ARMH1: variants seen among roughly 807,000 people sequenced by gnomAD.
ARMH1 encodes armadillo-like helical domain containing protein 1.
Under a neutral mutation model 50.2 loss-of-function variants are expected in ARMH1, and 34 were observed. That is an observed-to-expected ratio of 0.68 (90% CI 0.51 to 0.90). ARMH1 has a LOEUF of 0.90. ARMH1 is among the 40% of genes least tolerant of loss of function. ARMH1 has a pLI of 0.00. For synonymous variants in ARMH1, 221 were observed against 224.2 expected (o/e 0.99, Z 0.13); for missense variants, 538 against 553.9 (o/e 0.97, Z 0.29).
chr1:44,715,867 C>T (rs747283375), intron 6 of ARMH1, among the ~76,000 whole-genome samples: 4 of 152,238 alleles, frequency 2.6e-5, no homozygotes, highest in Non-Finnish European at 4.4e-5. Context: ...CCAGCCACAT[C>T]TGTTTCATTT....
intron 1 of ARMH1, among the ~76,000 whole-genome samples, chr1:44,686,804 G>A (rs535712061): frequency 2.6e-5 from 4 of 152,128 alleles, no homozygotes; most frequent in African/African-American, 9.6e-5. Flanking sequence ...CACTGGGCAA[G>A]GTGGCATGCG....
At position 44,681,103 on chromosome 1, in the gene ARMH1, T is replaced by A. The variant is rs1645297970; in HGVS notation, c.-23+6230T>A. On this transcript the variant is annotated intron_variant, in intron 1 of 11. Coordinates refer to ENST00000535358, the MANE Select transcript of ARMH1 (RefSeq NM_001145636.2). This position sits in a 1 kb window ranked among gnomAD's most constrained non-coding sequence, Gnocchi z 4.3. ...TCCACCTCCCGGGTTCACGCCATTC[T>A]CCTGCCTCAGCCTCCCGAGTAGCTG... Among the ~76,000 whole-genome samples the A allele has an allele frequency of 6.6e-6, 1 of 151,462 alleles. No homozygotes were observed. The highest frequency in any genetic ancestry group is 2.4e-5 in the African/African-American group (1 of 41,156).
At position 44,697,797 on chromosome 1, in the gene ARMH1, G is replaced by A. The variant is rs910010529; in HGVS notation, c.276-266G>A. 3.3e-5 allele frequency among the ~76,000 whole-genome samples: 5 copies of A among 152,294 alleles called. No individual in the cohort carries two copies. The East Asian group carries it at 9.6e-4, about 29-fold the overall frequency. Reference sequence around the variant, plus strand: ...ACTACATGGCCCATGAGTGGCAGAGGGGTGATTCCCCAAGTGACAGTTGAG... The same window carrying A: ...ACTACATGGCCCATGAGTGGCAGAGAGGTGATTCCCCAAGTGACAGTTGAG... On this transcript the variant is annotated intron_variant, in intron 3 of 11. Coordinates refer to ENST00000535358, the MANE Select transcript of ARMH1 (RefSeq NM_001145636.2).
At chr1:44,710,161 G>A (rs1164096338) in intron 6 of ARMH1, among the ~76,000 whole-genome samples, 1 of 152,136 alleles carries the variant, frequency 6.6e-6, no homozygotes, top group East Asian at 1.9e-4. Flanking sequence ...AACAGACATG[G>A]ACAAGGCTTT....
chr1:44,710,149 C>G (rs149129260), intron 6 of ARMH1, among the ~76,000 whole-genome samples: 22 of 152,084 alleles, frequency 1.4e-4, no homozygotes, highest in African/African-American at 4.6e-4. Context: ...CTGACCAAAC[C>G]GAACAGACAT....
intron 6 of ARMH1, among the ~76,000 whole-genome samples, chr1:44,714,278 G>GA (rs879914972): frequency 0.13 from 14,201 of 110,224 alleles, 872 homozygotes; most frequent in Non-Finnish European, 0.18. Flanking sequence ...TCAAAAAAAA[G>GA]AAAAAAAAAA....
chr1:44,689,584 C>T (rs1645588555), intron 1 of ARMH1, 92 bp from the exon 2 acceptor site: 2 of 996,938 alleles, frequency 2.0e-6, no homozygotes, highest in Admixed American at 2.2e-5. Flanking sequence ...ATGATAAAGC[C>T]ACACCCTGCC....
At chr1:44,675,000 G>A (rs992793036) in intron 1 of ARMH1, 127 bp downstream of exon 1, 1 of 152,068 alleles carries the variant, frequency 6.6e-6, no homozygotes, top group Non-Finnish European at 1.5e-5. Context: ...GCAGTCTTCA[G>A]TTGATGACTT....
chr1:44,710,297 G>A (rs1338893962), intron 6 of ARMH1, among the ~76,000 whole-genome samples: 1 of 152,054 alleles, frequency 6.6e-6, no homozygotes, highest in African/African-American at 2.4e-5. Flanking sequence ...ATTCTAAGAG[G>A]TATGATTGAT....
At chr1:44,718,522 T>C (rs1449731670) in intron 6 of ARMH1, among the ~76,000 whole-genome samples, 2 of 152,150 alleles carry the variant, frequency 1.3e-5, no homozygotes, top group Non-Finnish European at 2.9e-5. Context: ...TCAGAGAGTG[T>C]TTGGGGGAAG....
intron 6 of ARMH1, among the ~76,000 whole-genome samples, chr1:44,713,336 C>T (rs1291566681): frequency 2.6e-5 from 4 of 151,718 alleles, no homozygotes; most frequent in Admixed American, 2.6e-4. Flanking sequence ...TGGGCTCAAG[C>T]GATCCACCTG....
intron 6 of ARMH1, among the ~76,000 whole-genome samples, chr1:44,710,829 G>A (rs1433286887): frequency 1.3e-5 from 2 of 152,100 alleles, no homozygotes; most frequent in Non-Finnish European, 2.9e-5. Context: ...AGGAAACCCT[G>A]AATTCAGCGA....
At chr1:44,689,583 C>A in intron 1 of ARMH1, 93 bp from the exon 2 acceptor site, 3 of 987,868 alleles carry the variant, frequency 3.0e-6, no homozygotes, top group South Asian at 1.5e-5. Flanking sequence ...CATGATAAAG[C>A]CACACCCTGC....
At position 44,694,833 on chromosome 1, in the gene ARMH1, T is replaced by C. The variant is rs181889876; in HGVS notation, c.207-2269T>C. ...GCCCAGCCTATTGAGTCTTTTTATG[T>C]TCTAGGCACTGAGATATATACTGTA... On this transcript the variant is annotated intron_variant, in intron 2 of 11. Transcript: ENST00000535358. Among the ~76,000 whole-genome samples the C allele has an allele frequency of 8.5e-5, 13 of 152,282 alleles. 1 individual carries two copies. The highest frequency in any genetic ancestry group is 7.2e-4 in the Admixed American group (11 of 15,304).
chr1:44,677,229 C>T (rs1317700919), intron 1 of ARMH1, among the ~76,000 whole-genome samples: 2 of 152,162 alleles, frequency 1.3e-5, no homozygotes, highest in Non-Finnish European at 1.5e-5. Flanking sequence ...GATTTCTGGG[C>T]AGTTATCATG....
intron 6 of ARMH1, among the ~76,000 whole-genome samples, chr1:44,718,648 G>A (rs1249331033): frequency 6.6e-6 from 1 of 152,192 alleles, no homozygotes; most frequent in Non-Finnish European, 1.5e-5. Flanking sequence ...GGCTGCAGAG[G>A]GTGGGCAGAT....
Position 44,724,302 on chromosome 1 carries a change from C to T in ARMH1, c.848-18C>T, listed in dbSNP as rs1016518811. On this transcript the variant is annotated intron_variant, in intron 7 of 11. Transcript: ENST00000535358. This position sits in a 1 kb window ranked among gnomAD's most constrained non-coding sequence, Gnocchi z 6.4. ...CACGGGAGGGCGGTCTCTTGCCTCA[C>T]GGCTGCCCCCTCCTCAGACCCCTCG... The T allele has an allele frequency of 3.9e-6, 6 of 1,551,010 alleles. No individual in the cohort carries two copies. The highest frequency in any genetic ancestry group is 2.4e-5 in the East Asian group (1 of 40,900).
At chr1:44,686,104 A>G (rs1180838296) in intron 1 of ARMH1, among the ~76,000 whole-genome samples, 2 of 152,214 alleles carry the variant, frequency 1.3e-5, no homozygotes, top group Admixed American at 1.3e-4. Flanking sequence ...CCAGGACAAC[A>G]TTTGCATACT....
At chr1:44,686,694 T>A (rs939316384) in intron 1 of ARMH1, among the ~76,000 whole-genome samples, 16 of 151,744 alleles carry the variant, frequency 1.1e-4, no homozygotes, top group African/African-American at 3.9e-4. Flanking sequence ...ATAATAATAA[T>A]GTAAACACTA....
Sources: allele counts gnomAD v4.1 joint callset (sites outside exome capture counted in the v4.1 genomes callset), GRCh38; gene constraint gnomAD v4.1.1; non-coding constraint Gnocchi (gnomAD v3.1); transcripts MANE v1.5; gene names NCBI Gene and HGNC (gene_info 2026-07-23, HGNC 2026-07-21).